The following MRE11 variants were observed in gnomAD, a reference collection of about 807,000 sequenced individuals.
The protein encoded by MRE11 is double-strand break repair protein MRE11.
Under a neutral mutation model 91.7 loss-of-function variants are expected in MRE11, and 62 were observed. The ratio of observed to expected loss-of-function variants is 0.68; its 90% CI spans 0.55 to 0.84. The LOEUF (loss-of-function observed/expected upper bound fraction) is 0.84. Ranked by LOEUF, MRE11 falls within the 40% of genes least tolerant of loss-of-function variation. MRE11 has a pLI of 0.00. For synonymous variants in MRE11, 273 were observed against 271.4 expected (o/e 1.01, Z -0.06); for missense variants, 796 against 852.9 (o/e 0.93, Z 0.83).
chr11:94,430,882 T>A (rs561857588), intron 18 of MRE11, among the ~76,000 whole-genome samples: 6 of 152,172 alleles, frequency 3.9e-5, no homozygotes, highest in African/African-American at 7.2e-5. Flanking sequence ...ACCACCAGGT[T>A]TTGTTTTTTT....
intron 14 of MRE11, among the ~76,000 whole-genome samples, chr11:94,452,338 G>T (rs1946132556): frequency 6.6e-6 from 1 of 151,956 alleles, no homozygotes; most frequent in African/African-American, 2.4e-5. Flanking sequence ...AAAAAAAGTA[G>T]TATGAACTGA....
chr11:94,448,677 G>T (rs963213621), intron 14 of MRE11, among the ~76,000 whole-genome samples: 1 of 151,848 alleles, frequency 6.6e-6, no homozygotes, highest in Admixed American at 6.6e-5. Context: ...AGCCTAAGAA[G>T]GAATAAACAC....
intron 10 of MRE11, among the ~76,000 whole-genome samples, chr11:94,465,438 C>G (rs910743653): frequency 1.3e-5 from 2 of 150,022 alleles, no homozygotes; most frequent in African/African-American, 4.9e-5. Flanking sequence ...CACTGTCACC[C>G]AGGCTGGAAT....
At chr11:94,494,452 T>TC (rs1947380134), upstream of MRE11, among the ~76,000 whole-genome samples, 2 of 152,200 alleles carry the variant, frequency 1.3e-5, no homozygotes, top group Admixed American at 6.5e-5. Context: ...GGGTCCTTGA[T>TC]CTAGGGCAAG....
intron 4 of MRE11, among the ~76,000 whole-genome samples, chr11:94,482,084 C>T (rs552810938): frequency 4.6e-5 from 7 of 152,234 alleles, no homozygotes; most frequent in South Asian, 4.1e-4. Flanking sequence ...AAAGCCCACG[C>T]GGAACAAACA....
chr11:94,507,917 G>C, the MRE11 span, among the ~76,000 whole-genome samples: 2 of 151,956 alleles, frequency 1.3e-5, no homozygotes, highest in Non-Finnish European at 2.9e-5. Context: ...TCTGTGGCTT[G>C]CCTTTTCACA....
intron 2 of MRE11, among the ~76,000 whole-genome samples, chr11:94,491,875 T>C (rs1249116024): frequency 1.4e-5 from 2 of 140,108 alleles, no homozygotes; most frequent in Admixed American, 1.5e-4. Flanking sequence ...TTCTCACTGA[T>C]ATATCCAAGA....
intron 10 of MRE11, among the ~76,000 whole-genome samples, chr11:94,465,813 T>C (rs144649199): frequency 1.3e-5 from 2 of 152,372 alleles, no homozygotes; most frequent in South Asian, 2.1e-4. Context: ...ACAAATTTTA[T>C]TGGATGTCCT....
In MRE11 at chr11:94,437,217, T is replaced by G; in HGVS notation, c.1886A>C (p.Gln629Pro). ...SIIDAFKSTR[Q>P]QPSRNVTTKN... ...AGTAGTGACATTTCGGGAAGGCTGC[T>G]GTCTTGTAGATTTAAAGGCTAGAAT... is the stretch of plus-strand genomic sequence containing the variant. Residue 629 changes from glutamine (Q) to proline (P), a missense_variant, in exon 17 of 20, where the codon CAG becomes CCG. Transcript: ENST00000323929. 1 of 1,613,106 alleles carries G rather than the reference T, an allele frequency of 6.2e-7. No individual in the cohort carries two copies. The highest frequency in any genetic ancestry group is 8.5e-7 in the Non-Finnish European group (1 of 1,179,506).
At chr11:94,456,771 G>A (rs1195035391) in intron 13 of MRE11, among the ~76,000 whole-genome samples, 1 of 152,156 alleles carries the variant, frequency 6.6e-6, no homozygotes, top group Non-Finnish European at 1.5e-5. Flanking sequence ...GAAGTGGGTG[G>A]CCCCTGAAGA....
intron 9 of MRE11, among the ~76,000 whole-genome samples, chr11:94,469,042 A>G (rs1591690306): frequency 6.6e-6 from 1 of 152,320 alleles, no homozygotes; most frequent in East Asian, 1.9e-4. Flanking sequence ...AAAAAATAAT[A>G]TAACTTAACT....
At chr11:94,496,728 C>G (rs559254629), upstream of MRE11, 3 of 1,601,504 alleles carry the variant, frequency 1.9e-6, no homozygotes, top group Admixed American at 3.4e-5. Context: ...GATGGAATAC[C>G]AGACCAAGAG....
Position 94,464,187 on chromosome 11 carries a change from T to C in MRE11, c.1151A>G (p.Lys384Arg), listed in dbSNP as rs1193534253. 6.2e-7 allele frequency: 1 copy of C among 1,613,998 alleles called. No individual in the cohort carries two copies. Residue 384 changes from lysine to arginine, a missense_variant, in exon 11 of 20, where the codon AAA becomes AGA. Lys to Arg is a conservative substitution (Grantham distance 26). Transcript: ENST00000323929. ...EPFSVLRFSQ[K>R]FVDRVANPKD... ...TGGATTAGCTACCCGATCCACAAATTTCTGGCTAAAGCGAAGAACACTGAA... is the reference window on the plus strand; with the variant it reads ...TGGATTAGCTACCCGATCCACAAATCTCTGGCTAAAGCGAAGAACACTGAA...
At chr11:94,465,051 G>T (rs1215199319) in intron 10 of MRE11, among the ~76,000 whole-genome samples, 1 of 152,070 alleles carries the variant, frequency 6.6e-6, no homozygotes, top group African/African-American at 2.4e-5. Flanking sequence ...CTGTAAGCTC[G>T]ACGAATTCAA....
the MRE11 span, among the ~76,000 whole-genome samples, chr11:94,508,824 C>T: frequency 4.0e-5 from 6 of 151,048 alleles, no homozygotes; most frequent in African/African-American, 7.3e-5. Context: ...TGCAGTGGCA[C>T]GATCTCGGCT....
chr11:94,463,538 C>A, intron 11 of MRE11, among the ~76,000 whole-genome samples: 1 of 152,180 alleles, frequency 6.6e-6, no homozygotes, highest in East Asian at 1.9e-4. Context: ...ACCCAAATTT[C>A]CATCAATGAT....
intron 3 of MRE11, among the ~76,000 whole-genome samples, chr11:94,489,115 T>C (rs1947219598): frequency 6.6e-6 from 1 of 151,640 alleles, no homozygotes; most frequent in Non-Finnish European, 1.5e-5. Flanking sequence ...AGTAAATAAT[T>C]CAATAAATTA....
intron 16 of MRE11, among the ~76,000 whole-genome samples, chr11:94,438,853 G>T (rs972578045): frequency 1.3e-5 from 2 of 152,134 alleles, no homozygotes; most frequent in Non-Finnish European, 2.9e-5. Context: ...CTGCTGAGAG[G>T]GTAAGAGGAA....
chr11:94,482,984 T>G (rs1337479297), intron 4 of MRE11, among the ~76,000 whole-genome samples: 1 of 152,136 alleles, frequency 6.6e-6, no homozygotes, highest in East Asian at 1.9e-4. Flanking sequence ...TAGATTTGAA[T>G]AGAAGGAGGG....
Sources: gnomAD v4.1 joint callset for allele counts (sites outside exome capture counted in the v4.1 genomes callset) on GRCh38, gnomAD v4.1.1 for gene constraint, MANE v1.5 for transcripts, NCBI Gene and HGNC (gene_info 2026-07-23, HGNC 2026-07-21) for gene names.